ACVR2A: variants seen among roughly 807,000 people sequenced by gnomAD.
The protein encoded by ACVR2A is activin A receptor type 2A, also known as activin receptor type-2A.
ACVR2A carries 7 observed loss-of-function variants against 61.4 expected under a neutral mutation model. The ratio of observed to expected loss-of-function variants is 0.11; its 90% confidence interval spans 0.06 to 0.21. The LOEUF (loss-of-function observed/expected upper bound fraction) is 0.21. ACVR2A is among the 10% of genes least tolerant of loss of function. ACVR2A has a pLI of 1.00. For synonymous variants in ACVR2A, 193 were observed against 208.3 expected (o/e 0.93, Z 0.63); for missense variants, 322 against 621.7 (o/e 0.52, Z 5.13).
At chr2:147,851,660 G>C (rs1194785543) in intron 1 of ACVR2A, among the ~76,000 whole-genome samples, 2 of 152,020 alleles carry the variant, frequency 1.3e-5, no homozygotes, top group Admixed American at 1.3e-4. Flanking sequence ...ACTCAACCCA[G>C]ATTGAGTTAG....
rs16827989 is a variant in ACVR2A, at chr2:147,890,703, G to A, written c.56-5598G>A. On this transcript the variant is annotated intron_variant, in intron 1 of 10. Coordinates refer to ENST00000241416, the MANE Select transcript of ACVR2A (RefSeq NM_001616.5). The stretch of plus-strand genomic sequence containing the variant: ...AGAAAATTTTAAATTGGGAGATGTC[G>A]TTAAAACTTAATATACATAAATAAC... Among the ~76,000 whole-genome samples, 1,076 of 152,176 alleles carry A rather than the reference G, an allele frequency of 7.1e-3. 10 individuals are homozygous for A. Among genetic ancestry groups the A allele is most frequent in the African/African-American group, 0.024 (1,006 of 41,528 alleles).
At chr2:147,866,512 A>G (rs1163761924) in intron 1 of ACVR2A, among the ~76,000 whole-genome samples, 1 of 152,190 alleles carries the variant, frequency 6.6e-6, no homozygotes, top group Non-Finnish European at 1.5e-5. Context: ...AGAGGAAACA[A>G]TTTATACAGG....
At chr2:147,919,458 T>G (rs1450426174) in intron 7 of ACVR2A, among the ~76,000 whole-genome samples, 1 of 152,174 alleles carries the variant, frequency 6.6e-6, no homozygotes, top group Admixed American at 6.6e-5. Context: ...TGAAAGTCTT[T>G]TGAAACTAAG....
chr2:147,926,321 CTG>C (rs1330770358), intron 10 of ACVR2A, among the ~76,000 whole-genome samples, 160 bp downstream of exon 10: 2 of 151,910 alleles, frequency 1.3e-5, no homozygotes, highest in African/African-American at 4.8e-5. Flanking sequence ...AGGGCTATGT[CTG>C]TATACCCCTG....
At chr2:147,905,556 T>C (rs756051990) in intron 4 of ACVR2A, among the ~76,000 whole-genome samples, 1 of 151,170 alleles carries the variant, frequency 6.6e-6, no homozygotes, top group Non-Finnish European at 1.5e-5. Context: ...GAGCATTCTT[T>C]TGTGTGTGTG....
chr2:147,846,039 A>G (rs1685304482), intron 1 of ACVR2A, among the ~76,000 whole-genome samples: 1 of 152,160 alleles, frequency 6.6e-6, no homozygotes, highest in Non-Finnish European at 1.5e-5. Flanking sequence ...GGGCCATTTT[A>G]TATTGGAAAT....
chr2:147,864,212 C>A (rs1685796214), intron 1 of ACVR2A, among the ~76,000 whole-genome samples: 1 of 151,770 alleles, frequency 6.6e-6, no homozygotes, highest in Non-Finnish European at 1.5e-5. Flanking sequence ...ATTGAAGGAC[C>A]TCAACTTTCT....
chr2:147,911,696 G>C lies in ACVR2A; in HGVS notation c.529-3495G>C, dbSNP rs776130097. ...TAATTTATATATTTATGTCATAAAGGGTTCTCCCTCACCCAGCTTTTATAA... is the reference window on the plus strand; with the variant it reads ...TAATTTATATATTTATGTCATAAAGCGTTCTCCCTCACCCAGCTTTTATAA... On this transcript the variant is annotated intron_variant, in intron 4 of 10. Transcript: ENST00000241416. 5.3e-5 allele frequency among the ~76,000 whole-genome samples: 8 copies of C among 151,834 alleles called. No individual in the cohort carries two copies. In the East Asian group the frequency reaches 5.8e-4, roughly 11 times the overall value.
intron 3 of ACVR2A, 35 bp downstream of exon 3, chr2:147,899,602 A>G (rs1479646500): frequency 4.4e-6 from 7 of 1,597,610 alleles, no homozygotes; most frequent in Non-Finnish European, 6.0e-6. Flanking sequence ...GGTTTGCTCA[A>G]CTGTAGATTG....
At chr2:147,926,315 C>G (rs1687498621) in intron 10 of ACVR2A, among the ~76,000 whole-genome samples, 154 bp downstream of exon 10, 1 of 151,892 alleles carries the variant, frequency 6.6e-6, no homozygotes, top group Non-Finnish European at 1.5e-5. Context: ...AGAATTAGGG[C>G]TATGTCTGTA....
At chr2:147,908,043 AAAAAAAAAAAAGAAAAAAAAG>A (rs1687028374) in intron 4 of ACVR2A, among the ~76,000 whole-genome samples, 1 of 145,754 alleles carries the variant, frequency 6.9e-6, no homozygotes, top group African/African-American at 2.5e-5. Context: ...TGTTTCAAAA[AAAAAAAAAAAAGAAAAAAAAG>A]AAAAAAAAAG....
chr2:147,899,611 T>C, intron 3 of ACVR2A, 44 bp downstream of exon 3: 1 of 1,591,514 alleles, frequency 6.3e-7, no homozygotes, highest in Non-Finnish European at 8.6e-7. Context: ...AACTGTAGAT[T>C]GGAAACAAAA....
upstream of ACVR2A, chr2:147,844,930 T>TCCC (rs983693911): frequency 3.9e-5 from 19 of 481,054 alleles, no homozygotes; most frequent in Non-Finnish European, 6.1e-5. Flanking sequence ...TGGCGGTTTT[T>TCCC]CCCCCGTGGT....
Position 147,928,575 on chromosome 2 carries a change from A to ATAACT in ACVR2A, c.*1305_*1309dup, listed in dbSNP as rs961423670. The ATAACT allele has an allele frequency of 1.3e-5, 2 of 152,342 alleles. No individual in the cohort carries two copies. Among genetic ancestry groups the ATAACT allele is most frequent in the African/African-American group, 4.8e-5 (2 of 41,410 alleles). 9.4% of individuals were successfully genotyped at this position (152,342 alleles called of 1,614,324 possible). The stretch of plus-strand genomic sequence containing the variant: ...AAATCAGGGATAACAAATTAAACGT[A>ATAACT]TAACTTAAAATATGCAATGACATTT... On this transcript the variant is annotated 3_prime_UTR_variant, in exon 11 of 11. Transcript: ENST00000241416.
intron 8 of ACVR2A, among the ~76,000 whole-genome samples, chr2:147,921,699 C>A (rs1369152390): frequency 6.6e-6 from 1 of 152,096 alleles, no homozygotes; most frequent in Non-Finnish European, 1.5e-5. Context: ...AACTTCTAAG[C>A]TAATTGAATG....
At chr2:147,846,489 G>A (rs1685317195) in intron 1 of ACVR2A, among the ~76,000 whole-genome samples, 1 of 151,906 alleles carries the variant, frequency 6.6e-6, no homozygotes, top group African/African-American at 2.4e-5. Flanking sequence ...TTTCCTTGTG[G>A]TTAATAAATG....
At position 147,928,572 on chromosome 2, in the gene ACVR2A, C is replaced by T. The variant is rs535350698; in HGVS notation, c.*1298C>T. On this transcript the variant is annotated 3_prime_UTR_variant, in exon 11 of 11. Coordinates refer to ENST00000241416, the MANE Select transcript of ACVR2A (RefSeq NM_001616.5). ...AACAAATCAGGGATAACAAATTAAA[C>T]GTATAACTTAAAATATGCAATGACA... 4 of 152,300 alleles carry T rather than the reference C, an allele frequency of 2.6e-5. No individual in the cohort carries two copies. Among genetic ancestry groups the T allele is most frequent in the South Asian group, 4.1e-4 (2 of 4,824 alleles). The allele number at this position is 152,300 out of a possible 1,614,324, so 9.4% of individuals were successfully genotyped here. A position where few individuals can be genotyped will look rare whatever the true frequency, so the allele number is the denominator to read the frequency against.
Position 147,855,055 on chromosome 2 carries a change from A to G in ACVR2A, c.55+9848A>G, listed in dbSNP as rs1685535217. ...GCCACCATGCCTGGCTAATTTTTGT[A>G]TTTTTGGTAGAGAGGGGGTTTAACC... On this transcript the variant is annotated intron_variant, in intron 1 of 10. Transcript: ENST00000241416. Among the ~76,000 whole-genome samples the G allele has an allele frequency of 2.0e-5, 3 of 151,816 alleles. No individual in the cohort carries two copies. The South Asian group carries it at 6.2e-4, about 32-fold the overall frequency.
chr2:147,861,048 C>CTACTT (rs1685714826), intron 1 of ACVR2A, among the ~76,000 whole-genome samples: 1 of 152,126 alleles, frequency 6.6e-6, no homozygotes, highest in African/African-American at 2.4e-5. Flanking sequence ...TAAGGGTAAC[C>CTACTT]TACTTTACAC....
Sources: gnomAD v4.1 joint callset for allele counts (sites outside exome capture counted in the v4.1 genomes callset) on GRCh38, gnomAD v4.1.1 for gene constraint, MANE v1.5 for transcripts, NCBI Gene and HGNC (gene_info 2026-07-23, HGNC 2026-07-21) for gene names.